ARHGEF18: variants seen among roughly 807,000 people sequenced by gnomAD.
ARHGEF18 encodes the protein Rho/Rac guanine nucleotide exchange factor 18, also known as rho guanine nucleotide exchange factor 18.
ARHGEF18 carries 93 observed loss-of-function variants against 155.7 expected under a neutral mutation model. The ratio of observed to expected loss-of-function variants is 0.60; its 90% CI spans 0.50 to 0.71. The LOEUF (loss-of-function observed/expected upper bound fraction) is 0.71. Among genes scored for constraint, ARHGEF18 ranks in the 30% least tolerant of loss-of-function variants. ARHGEF18 has a pLI of 0.00. For missense variants in ARHGEF18, 1,593 were observed against 1,816.1 expected (o/e 0.88, Z 2.23); for synonymous variants, 742 against 753.1 (o/e 0.99, Z 0.24).
chr19:7,383,222 T>C lies in ARHGEF18; in HGVS notation c.967+19T>C. 1 of 1,232,330 alleles carries C rather than the reference T, an allele frequency of 8.1e-7. No homozygotes were observed. 76.3% of individuals were successfully genotyped at this position (1,232,330 alleles called of 1,614,324 possible). On this transcript the variant is annotated intron_variant, in intron 10 of 28. Coordinates refer to ENST00000668164, the MANE Select transcript of ARHGEF18 (RefSeq NM_001367823.1). Reference sequence around the variant, plus strand: ...AGCTCAGGTAAGTCTGGTGGCCCAATCCATCCTCCTGGAGGGCAGCCACTT... The same window carrying C: ...AGCTCAGGTAAGTCTGGTGGCCCAACCCATCCTCCTGGAGGGCAGCCACTT...
intron 10 of ARHGEF18, among the ~76,000 whole-genome samples, chr19:7,436,659 C>A (rs1451160077): frequency 2.6e-5 from 4 of 152,128 alleles, no homozygotes. Flanking sequence ...AGACCTCAGT[C>A]CACAAGCAAC....
intron 1 of ARHGEF18, among the ~76,000 whole-genome samples, chr19:7,351,444 C>G (rs1326835955): frequency 6.6e-6 from 1 of 151,880 alleles, no homozygotes; most frequent in Non-Finnish European, 1.5e-5. Context: ...CTGCCTCAGC[C>G]TCCCAAGTAG....
intron 1 of ARHGEF18, among the ~76,000 whole-genome samples, chr19:7,356,564 G>C (rs577907534): frequency 6.6e-6 from 1 of 152,018 alleles, no homozygotes; most frequent in Non-Finnish European, 1.5e-5. Context: ...GTGAGCCAGC[G>C]CGCCCAGCCA....
chr19:7,362,992 C>A, intron 2 of ARHGEF18, 87 bp downstream of exon 2: 1 of 1,219,592 alleles, frequency 8.2e-7, no homozygotes, highest in Non-Finnish European at 1.0e-6. Flanking sequence ...TTTTACCAGG[C>A]ACTTTGTGTA....
intron 23 of ARHGEF18, 72 bp downstream of exon 23, chr19:7,464,762 T>G (rs1976513595): frequency 6.3e-7 from 1 of 1,582,364 alleles, no homozygotes; most frequent in Non-Finnish European, 8.6e-7. Context: ...CAGCTTCTGC[T>G]GGGGTTGTCC....
At chr19:7,446,329 A>G (rs1600472767) in intron 14 of ARHGEF18, among the ~76,000 whole-genome samples, 1 of 151,154 alleles carries the variant, frequency 6.6e-6, no homozygotes, top group Admixed American at 6.6e-5. Context: ...CCAAGATCAC[A>G]CCACTGCCCT....
At chr19:7,365,526 T>A (rs1315733450) in intron 2 of ARHGEF18, among the ~76,000 whole-genome samples, 1 of 152,188 alleles carries the variant, frequency 6.6e-6, no homozygotes, top group African/African-American at 2.4e-5. Flanking sequence ...GCGCCCTCCC[T>A]GGGATCTGGA....
chr19:7,355,580 T>G (rs1568259540), intron 1 of ARHGEF18: 1 of 978,272 alleles, frequency 1.0e-6, no homozygotes, highest in East Asian at 1.1e-4. Flanking sequence ...CTGGCAGGGA[T>G]TCCCAGGCCA....
chr19:7,387,180 TCTCA>T (rs1568287488), intron 10 of ARHGEF18, among the ~76,000 whole-genome samples: 1 of 152,060 alleles, frequency 6.6e-6, no homozygotes, highest in Admixed American at 6.6e-5. Context: ...TGAGATGGAG[TCTCA>T]CTCTGTTGCC....
At chr19:7,464,088 A>G in intron 22 of ARHGEF18, 133 bp downstream of exon 22, 1 of 1,290,958 alleles carries the variant, frequency 7.7e-7, no homozygotes, top group Non-Finnish European at 1.0e-6. Flanking sequence ...CCCAGGCTGG[A>G]GTGCAGTGGC....
chr19:7,353,480 C>T (rs1183381960), intron 1 of ARHGEF18, among the ~76,000 whole-genome samples: 2 of 151,524 alleles, frequency 1.3e-5, no homozygotes, highest in Admixed American at 6.6e-5. Flanking sequence ...ATCCCAGCTA[C>T]TTGAGAGGCT....
At position 7,469,072 on chromosome 19, in the gene ARHGEF18, CCAAGGGTGGCAAGGA is replaced by C. The variant is rs1236857884; in HGVS notation, c.3735_3749del (p.Asp1248_Lys1252del). The C allele has an allele frequency of 5.0e-6, 8 of 1,608,936 alleles. No individual in the cohort carries two copies. The highest frequency in any genetic ancestry group is 1.3e-5 in the African/African-American group (1 of 74,888). The stretch of plus-strand genomic sequence containing the variant: ...ATCCCCACCAAGCTGGCGGCCTCCA[CCAAGGGTGGCAAGGA>C]CAAGGGCGGCAAGAGCAGGGGCTCT... On this transcript the variant is annotated inframe_deletion, in exon 27 of 29. Transcript: ENST00000668164.
chr19:7,446,895 CAAAAAAAA>C (rs11329734), intron 14 of ARHGEF18, 140 bp from the exon 15 acceptor site: 117 of 708,186 alleles, frequency 1.7e-4, no homozygotes, highest in Non-Finnish European at 2.2e-4. Context: ...GATGCTGTCT[CAAAAAAAA>C]AAAAAAAAGA....
chr19:7,460,753 C>T (rs890061086), intron 20 of ARHGEF18, among the ~76,000 whole-genome samples: 6 of 151,998 alleles, frequency 3.9e-5, no homozygotes, highest in Non-Finnish European at 4.4e-5. Flanking sequence ...CGGCAAGCTC[C>T]CTTCTTCCCT....
At chr19:7,454,014 G>A (rs1975673319) in intron 17 of ARHGEF18, among the ~76,000 whole-genome samples, 6 of 150,868 alleles carry the variant, frequency 4.0e-5, no homozygotes, top group Admixed American at 4.0e-4. Flanking sequence ...ACCATCTTGG[G>A]AGTTGTGGGT....
In ARHGEF18 at chr19:7,440,074, C is replaced by T; in HGVS notation, c.968-270C>T. Reference sequence around the variant, plus strand: ...AACGGCGCAGCCCAGCCTGGCGCCGCGCCGGGTCCCGGAGCCCCGGGCGCG... The same window carrying T: ...AACGGCGCAGCCCAGCCTGGCGCCGTGCCGGGTCCCGGAGCCCCGGGCGCG... On this transcript the variant is annotated intron_variant, in intron 10 of 28. Coordinates refer to ENST00000668164, the MANE Select transcript of ARHGEF18 (RefSeq NM_001367823.1). This position sits in a 1 kb window ranked among gnomAD's most constrained non-coding sequence, Gnocchi z 5.4. 6.4e-7 allele frequency: 1 copy of T among 1,550,446 alleles called. No individual in the cohort carries two copies. The highest frequency in any genetic ancestry group is 8.7e-7 in the Non-Finnish European group (1 of 1,146,578).
At position 7,471,335 on chromosome 19, in the gene ARHGEF18, G is replaced by A. The variant is rs7245775; in HGVS notation, c.*1037G>A. ...CTTGTAGTGAGCTGTTGCAGCTTAC[G>A]GTCCGTTCCCTGGAGGGGTGGAGGA... On this transcript the variant is annotated 3_prime_UTR_variant, in exon 29 of 29. Coordinates refer to ENST00000668164, the MANE Select transcript of ARHGEF18 (RefSeq NM_001367823.1). This position sits in a 1 kb window ranked among gnomAD's most constrained non-coding sequence, Gnocchi z 4.4. The A allele has an allele frequency of 0.033, 5,058 of 152,880 alleles. 287 individuals are homozygous for A. The highest frequency in any genetic ancestry group is 0.11 in the African/African-American group (4,743 of 41,598). 9.5% of individuals were successfully genotyped at this position (152,880 alleles called of 1,614,324 possible).
chr19:7,360,154 AAACAACAAC>A (rs144434108), intron 1 of ARHGEF18, among the ~76,000 whole-genome samples: 6,847 of 151,790 alleles, frequency 0.045, 451 homozygotes, highest in African/African-American at 0.15. Flanking sequence ...TCTTGAAACA[AAACAACAAC>A]AACAACAACA....
intron 2 of ARHGEF18, among the ~76,000 whole-genome samples, chr19:7,369,778 C>T (rs1970116290): frequency 6.6e-6 from 1 of 151,974 alleles, no homozygotes; most frequent in African/African-American, 2.4e-5. Flanking sequence ...GCCTGGGCGA[C>T]AGAGTGAGAC....
Sources: allele counts gnomAD v4.1 joint callset (sites outside exome capture counted in the v4.1 genomes callset), GRCh38; gene constraint gnomAD v4.1.1; non-coding constraint Gnocchi (gnomAD v3.1); transcripts MANE v1.5; gene names NCBI Gene and HGNC (gene_info 2026-07-23, HGNC 2026-07-21).